The following LINGO2 variants were observed in gnomAD, a reference collection of about 807,000 sequenced individuals.
The protein encoded by LINGO2 is leucine-rich repeat and immunoglobulin-like domain-containing nogo receptor-interacting protein 2.
LINGO2 carries 14 observed loss-of-function variants against 30.6 expected under a neutral mutation model. That is an observed-to-expected ratio of 0.46 (90% CI 0.30 to 0.72). The LOEUF is 0.72. Ranked by LOEUF, LINGO2 falls within the 30% of genes least tolerant of loss-of-function variation. The probability of loss-of-function intolerance (pLI) is 0.07; values close to 1 mark genes in which losing one functional copy is unlikely to be tolerated. For synonymous variants in LINGO2, 317 were observed against 288.5 expected, an observed-to-expected ratio of 1.10 and a Z score of -1.00; for missense variants, 729 against 751.7, an observed-to-expected ratio of 0.97 and a Z score of 0.35.
rs1259125949 is a variant in LINGO2, at chr9:28,656,631, A to G, written c.-365+13569T>C. On this transcript the variant is annotated intron_variant, in intron 1 of 5. Coordinates refer to ENST00000379992, the Ensembl canonical transcript of LINGO2. ...TAAAGAGAGATTGAGATTAAAGGAC[A>G]TTAAAGAGACATGTGATCCTATGCT... is the stretch of plus-strand genomic sequence containing the variant. 3.9e-5 allele frequency among the ~76,000 whole-genome samples: 6 copies of G among 152,294 alleles called. No homozygotes were observed. In the East Asian group the frequency reaches 5.8e-4, roughly 15 times the overall value.
the LINGO2 span, among the ~76,000 whole-genome samples, chr9:29,139,298 G>A: frequency 8.3e-4 from 126 of 152,244 alleles, no homozygotes; most frequent in South Asian, 3.5e-3. Context: ...GCAGCTAAAT[G>A]ACCCAGATAT....
intron 4 of LINGO2, among the ~76,000 whole-genome samples, chr9:28,117,765 C>A (rs577319951): frequency 8.7e-5 from 13 of 148,934 alleles, no homozygotes; most frequent in South Asian, 4.3e-4. Context: ...TGCCCTGCTT[C>A]GGCTCGCGGA....
At chr9:28,417,375 T>G (rs1232464716) in intron 2 of LINGO2, among the ~76,000 whole-genome samples, 8 of 152,174 alleles carry the variant, frequency 5.3e-5, no homozygotes, top group African/African-American at 1.7e-4. Context: ...AGCAGATCAC[T>G]TTAACATATT....
chr9:28,737,270 G>A, the LINGO2 span, among the ~76,000 whole-genome samples: 1 of 152,184 alleles, frequency 6.6e-6, no homozygotes, highest in Non-Finnish European at 1.5e-5. Context: ...CTTGGTGCCA[G>A]ATATGTGATA....
At chr9:28,010,233 ATG>A (rs1396933717) in intron 5 of LINGO2, among the ~76,000 whole-genome samples, 3 of 152,222 alleles carry the variant, frequency 2.0e-5, no homozygotes, top group Non-Finnish European at 4.4e-5. Context: ...TATACCTAAC[ATG>A]TGTATCTTAA....
At chr9:28,675,460 TG>T in the LINGO2 span, among the ~76,000 whole-genome samples, 3 of 152,174 alleles carry the variant, frequency 2.0e-5, no homozygotes, top group Admixed American at 6.5e-5. Flanking sequence ...TTTGTTGTTT[TG>T]GCTTTTTGAA....
intron 3 of LINGO2, among the ~76,000 whole-genome samples, chr9:28,309,568 A>T (rs1824523344): frequency 6.6e-6 from 1 of 152,060 alleles, no homozygotes. Flanking sequence ...TGGACCCTAA[A>T]AGTTAAAGTA....
the LINGO2 span, among the ~76,000 whole-genome samples, chr9:29,158,773 TGAGA>T: frequency 2.1e-4 from 31 of 150,950 alleles, no homozygotes; most frequent in African/African-American, 4.9e-4. Context: ...TGTGTGTGTA[TGAGA>T]GAGAGAGAGA....
At chr9:28,552,045 T>C (rs868386121) in intron 1 of LINGO2, among the ~76,000 whole-genome samples, 11 of 152,108 alleles carry the variant, frequency 7.2e-5, no homozygotes, top group African/African-American at 2.7e-4. Flanking sequence ...TTCTGTGTTT[T>C]AGTAATAATC....
intron 5 of LINGO2, among the ~76,000 whole-genome samples, chr9:28,006,983 C>T (rs1056280309): frequency 1.3e-5 from 2 of 152,126 alleles, no homozygotes; most frequent in Admixed American, 6.6e-5. Context: ...AGGCACCAGA[C>T]TAAGTACTAG....
chr9:28,770,534 G>C, the LINGO2 span, among the ~76,000 whole-genome samples: 1 of 152,174 alleles, frequency 6.6e-6, no homozygotes, highest in African/African-American at 2.4e-5. Flanking sequence ...AGATCCAATA[G>C]TATGCTTCCA....
chr9:28,252,434 C>T (rs1181418980), intron 4 of LINGO2, among the ~76,000 whole-genome samples: 2 of 152,018 alleles, frequency 1.3e-5, no homozygotes, highest in Non-Finnish European at 1.5e-5. Flanking sequence ...GCCATGTTGG[C>T]CAGGATGGTC....
the LINGO2 span, among the ~76,000 whole-genome samples, chr9:29,031,432 G>A: frequency 6.6e-6 from 1 of 151,954 alleles, no homozygotes; most frequent in Non-Finnish European, 1.5e-5. Flanking sequence ...ACAGGTTCTT[G>A]CCACCATGCC....
At chr9:29,114,645 A>G in the LINGO2 span, among the ~76,000 whole-genome samples, 4 of 145,126 alleles carry the variant, frequency 2.8e-5, no homozygotes, top group African/African-American at 1.0e-4. Flanking sequence ...GAGTGAGAAC[A>G]TGCAGTGATT....
intron 4 of LINGO2, among the ~76,000 whole-genome samples, chr9:28,164,894 C>T (rs1400789616): frequency 6.6e-6 from 1 of 152,106 alleles, no homozygotes; most frequent in African/African-American, 2.4e-5. Context: ...TAAAGGGTTC[C>T]CACTCATCAT....
chr9:28,071,324 A>C (rs889271739), intron 4 of LINGO2, among the ~76,000 whole-genome samples: 3 of 152,112 alleles, frequency 2.0e-5, no homozygotes, highest in Non-Finnish European at 4.4e-5. Context: ...CACGATATGG[A>C]GTAGGCTATG....
At chr9:28,216,577 T>G (rs530356078) in intron 4 of LINGO2, among the ~76,000 whole-genome samples, 1 of 151,956 alleles carries the variant, frequency 6.6e-6, no homozygotes, top group Non-Finnish European at 1.5e-5. Flanking sequence ...CCACTGACCA[T>G]AAATTGCAAA....
At chr9:28,482,407 C>A (rs1413228368) in intron 1 of LINGO2, among the ~76,000 whole-genome samples, 1 of 152,138 alleles carries the variant, frequency 6.6e-6, no homozygotes. Flanking sequence ...TGTTTTCTGG[C>A]TGCATAAATG....
At chr9:28,639,961 G>T (rs1410784898) in intron 1 of LINGO2, among the ~76,000 whole-genome samples, 1 of 151,740 alleles carries the variant, frequency 6.6e-6, no homozygotes, top group Non-Finnish European at 1.5e-5. Context: ...GCTGGTACCG[G>T]TTGTTCCTTT....
Sources: gnomAD v4.1 joint callset for allele counts (sites outside exome capture counted in the v4.1 genomes callset) on GRCh38, gnomAD v4.1.1 for gene constraint, MANE v1.5 for transcripts, NCBI Gene and HGNC (gene_info 2026-07-23, HGNC 2026-07-21) for gene names.